The following SNRNP70 variants were observed in gnomAD, a reference collection of about 807,000 sequenced individuals.
The protein encoded by SNRNP70 is small nuclear ribonucleoprotein U1 subunit 70.
In SNRNP70, 8 loss-of-function variants were observed where a neutral mutation model predicts 50.5. The observed-to-expected ratio is 0.16, with a 90% CI of 0.09 to 0.29. The LOEUF (loss-of-function observed/expected upper bound fraction) is 0.29. Ranked by LOEUF, SNRNP70 falls within the 10% of genes least tolerant of loss-of-function variation. The probability of loss-of-function intolerance (pLI) is 1.00; values close to 1 mark genes in which losing one functional copy is unlikely to be tolerated. For missense variants in SNRNP70, 529 were observed against 663.5 expected (o/e 0.80, Z 2.23); for synonymous variants, 320 against 252.9 (o/e 1.27, Z -2.52).
Position 49,108,083 on chromosome 19 carries a change from G to A in SNRNP70, c.954G>A (p.Glu318=), listed in dbSNP as rs1317328320. 6.4e-7 allele frequency: 1 copy of A among 1,553,194 alleles called. No homozygotes were observed. The part of the protein sequence containing the change: ...ELRGGGGDMA[E]PSEAGDAPPD... ...GTGGCGGCGGTGGCGACATGGCGGA[G>A]CCCTCCGAGGCGGGTGACGCGCCCC... Residue 318 remains glutamate, a synonymous_variant, in exon 10 of 10, where the codon GAG becomes GAA. Transcript: ENST00000598441.
intron 4 of SNRNP70, among the ~76,000 whole-genome samples, chr19:49,095,800 T>C (rs1464071533): frequency 1.3e-5 from 2 of 152,132 alleles, no homozygotes; most frequent in Admixed American, 6.6e-5. Flanking sequence ...GTGCTGGCAT[T>C]ACAGCTGTGA....
At chr19:49,098,147 G>A (rs979474082) in intron 4 of SNRNP70, among the ~76,000 whole-genome samples, 2 of 152,202 alleles carry the variant, frequency 1.3e-5, no homozygotes, top group Admixed American at 1.3e-4. Flanking sequence ...TGAAATGGCA[G>A]TTGGGCCTGC....
At position 49,086,541 on chromosome 19, in the gene SNRNP70, C is replaced by A; in HGVS notation, c.127C>A (p.Pro43Thr). Residue 43 changes from proline to threonine, a missense_variant, in exon 2 of 10, where the codon CCG becomes ACG. Physicochemically the swap from Pro to Thr is conservative, Grantham distance 38. Coordinates refer to ENST00000598441, the MANE Select transcript of SNRNP70 (RefSeq NM_003089.6). ...CAATCAACCTTATTGTGGCATTGCG[C>A]CGTACATTCGAGAGTTTGAGGTGAG... ...HHNQPYCGIA[P>T]YIREFEDPRD... The A allele has an allele frequency of 6.2e-7, 1 of 1,613,970 alleles. No homozygotes were observed. Among genetic ancestry groups the A allele is most frequent in the Non-Finnish European group, 8.5e-7 (1 of 1,179,956 alleles).
rs1033868346 is a variant in SNRNP70, at chr19:49,090,193, G to C, written c.148-98G>C. 4.0e-6 allele frequency: 4 copies of C among 995,368 alleles called. No homozygotes were observed. In the African/African-American group the frequency reaches 6.4e-5, roughly 16 times the overall value. The allele number at this position is 995,368 out of a possible 1,614,324, so 61.7% of individuals were successfully genotyped here. ...GCGTGGATGTTTATTTTTGTAGGGG[G>C]TGGGGGTGGGAGGGTTAACCTGTTT... On this transcript the variant is annotated intron_variant, in intron 2 of 9. Coordinates refer to ENST00000598441, the MANE Select transcript of SNRNP70 (RefSeq NM_003089.6).
Position 49,094,160 on chromosome 19 carries a change from G to GTTTAAAA in SNRNP70, c.265+3641_265+3647dup, listed in dbSNP as rs1186684430. Among the ~76,000 whole-genome samples the GTTTAAAA allele has an allele frequency of 3.7e-4, 56 of 152,170 alleles. 1 individual carries two copies. Among genetic ancestry groups the GTTTAAAA allele is most frequent in the Admixed American group, 1.3e-4 (2 of 15,266 alleles). On this transcript the variant is annotated intron_variant, in intron 4 of 9. Coordinates refer to ENST00000598441, the MANE Select transcript of SNRNP70 (RefSeq NM_003089.6). Reference sequence around the variant, plus strand: ...GTAATAGTGGCACTGTGGTTATGATGTTTAAAAGCCTTTGTTAGAGACCAA... The same window carrying GTTTAAAA: ...GTAATAGTGGCACTGTGGTTATGATGTTTAAAATTTAAAAGCCTTTGTTAGAGACCAA...
intron 4 of SNRNP70, among the ~76,000 whole-genome samples, chr19:49,095,791 T>C (rs911370172): frequency 6.6e-6 from 1 of 152,140 alleles, no homozygotes; most frequent in African/African-American, 2.4e-5. Context: ...CCTCCCAAAG[T>C]GCTGGCATTA....
At chr19:49,105,764 A>G (rs1437388965) in intron 8 of SNRNP70, among the ~76,000 whole-genome samples, 1 of 150,856 alleles carries the variant, frequency 6.6e-6, no homozygotes, top group East Asian at 1.9e-4. Context: ...AACTGGGGCG[A>G]CCCACCTGTG....
rs1339611283 is a variant in SNRNP70, at chr19:49,098,927, TAC to T, written c.393+225_393+226del. On this transcript the variant is annotated intron_variant, in intron 6 of 9. Transcript: ENST00000598441. ...TGGTTGAGAGCAGGGGTTGGCAAAC[TAC>T]AGACTTAAAGTTTTCCTGCTGCTCA... 2.6e-5 allele frequency among the ~76,000 whole-genome samples: 4 copies of T among 152,206 alleles called. No individual in the cohort carries two copies. In the East Asian group the frequency reaches 7.7e-4, roughly 29 times the overall value.
At chr19:49,095,623 C>T (rs1208792217) in intron 4 of SNRNP70, among the ~76,000 whole-genome samples, 1 of 150,240 alleles carries the variant, frequency 6.7e-6, no homozygotes, top group Admixed American at 6.7e-5. Flanking sequence ...CAACCTTCAT[C>T]GCCTCCCTGG....
chr19:49,108,525 A>G lies in SNRNP70; in HGVS notation c.*82A>G. The stretch of plus-strand genomic sequence containing the variant: ...GTCATCCCCTCCCCCAACCTTGGCC[A>G]CTTGAGTTTGTCCTCCAAGGGTAGG... On this transcript the variant is annotated 3_prime_UTR_variant, in exon 10 of 10. Transcript: ENST00000598441. The G allele has an allele frequency of 6.6e-7, 1 of 1,506,280 alleles. No individual in the cohort carries two copies. Among genetic ancestry groups the G allele is most frequent in the Admixed American group, 2.1e-5 (1 of 47,340 alleles). 93.3% of individuals were successfully genotyped at this position (1,506,280 alleles called of 1,614,324 possible).
intron 6 of SNRNP70, 99 bp from the exon 7 acceptor site, chr19:49,101,291 C>A (rs2040582080): frequency 4.8e-6 from 4 of 825,592 alleles, no homozygotes; most frequent in Admixed American, 1.8e-5. Flanking sequence ...GGGTCTGAGG[C>A]CTCATCCGGC....
chr19:49,101,663 C>A, intron 7 of SNRNP70, 192 bp downstream of exon 7: 1 of 594,096 alleles, frequency 1.7e-6, no homozygotes. Flanking sequence ...AAACCAAATC[C>A]CCCACAACGT....
rs1235774063 is a variant in SNRNP70, at chr19:49,107,619, C to T, written c.578-6C>T. On this transcript the variant is annotated splice_region_variant and splice_polypyrimidine_tract_variant and intron_variant, in intron 8 of 9. Transcript: ENST00000598441. This position sits in a 1 kb window ranked among gnomAD's most constrained non-coding sequence, Gnocchi z 6.0. Reference sequence around the variant, plus strand: ...ATTCACCCTCTGTCCGTCTGCCCTGCCCCAGGAGGAGGCCTCGGTGGTACC... The same window carrying T: ...ATTCACCCTCTGTCCGTCTGCCCTGTCCCAGGAGGAGGCCTCGGTGGTACC... 1.2e-6 allele frequency: 2 copies of T among 1,613,742 alleles called. No individual in the cohort carries two copies. The highest frequency in any genetic ancestry group is 1.7e-6 in the Non-Finnish European group (2 of 1,179,674).
In SNRNP70 at chr19:49,104,990, C is replaced by G. The variant is rs1035810443; in HGVS notation, c.577+255C>G. On this transcript the variant is annotated intron_variant, in intron 8 of 9. Transcript: ENST00000598441. This position sits in a 1 kb window ranked among gnomAD's most constrained non-coding sequence, Gnocchi z 5.4. ...ACATGCTGGCGTCCGCCCTTGCTAG[C>G]TGGGGGTCCCCTTTTCCTGCCTCAT... Among the ~76,000 whole-genome samples the G allele has an allele frequency of 6.6e-6, 1 of 152,172 alleles. No homozygotes were observed. The highest frequency in any genetic ancestry group is 2.4e-5 in the African/African-American group (1 of 41,448).
chr19:49,099,883 T>C (rs2040560352), intron 6 of SNRNP70, among the ~76,000 whole-genome samples: 1 of 152,066 alleles, frequency 6.6e-6, no homozygotes, highest in Admixed American at 6.5e-5. Flanking sequence ...TCTACAAAAA[T>C]ACAAAAGATT....
At chr19:49,090,551 C>T (rs2040435292) in intron 4 of SNRNP70, 31 bp downstream of exon 4, 4 of 1,607,202 alleles carry the variant, frequency 2.5e-6, no homozygotes, top group Non-Finnish European at 3.4e-6. Flanking sequence ...TTGGCTCTCT[C>T]CTCTCCCAAA....
intron 7 of SNRNP70, chr19:49,103,188 G>C (rs1222055965): frequency 6.6e-6 from 1 of 152,586 alleles, no homozygotes; most frequent in Non-Finnish European, 1.5e-5. Context: ...GGGCGGACAG[G>C]TTTCTGAGGC....
chr19:49,103,133 G>C (rs1022807559), intron 7 of SNRNP70: 2 of 152,590 alleles, frequency 1.3e-5, no homozygotes, highest in Non-Finnish European at 2.9e-5. Flanking sequence ...GTCCTCGGAG[G>C]GGGTGGGCTG....
chr19:49,085,481 A>G lies in SNRNP70; in HGVS notation c.-166A>G. The G allele has an allele frequency of 2.3e-6, 1 of 443,976 alleles. No individual in the cohort carries two copies. Among genetic ancestry groups the G allele is most frequent in the East Asian group, 7.2e-5 (1 of 13,878 alleles). The allele number at this position is 443,976 out of a possible 1,614,324, so 27.5% of individuals were successfully genotyped here. A position where few individuals can be genotyped will look rare whatever the true frequency, so the allele number is the denominator to read the frequency against. ...CTATCGGAGGCCGCGCGGGTGGCTG[A>G]GCAGCGGCCTGGTGCGCTCGCTTAG... On this transcript the variant is annotated 5_prime_UTR_variant, in exon 1 of 10. Coordinates refer to ENST00000598441, the MANE Select transcript of SNRNP70 (RefSeq NM_003089.6).
Sources: gnomAD v4.1 joint callset for allele counts (sites outside exome capture counted in the v4.1 genomes callset) on GRCh38, gnomAD v4.1.1 for gene constraint, Gnocchi (gnomAD v3.1) non-coding constraint, MANE v1.5 for transcripts, NCBI Gene and HGNC (gene_info 2026-07-23, HGNC 2026-07-21) for gene names.